ZNF37A: variants seen among roughly 807,000 people sequenced by gnomAD.
ZNF37A encodes the protein zinc finger protein 37a (KOX 21).
A neutral mutation model predicts 12.3 loss-of-function variants in ZNF37A; 10 were observed. That is an observed-to-expected ratio of 0.82 (90% confidence interval 0.50 to 1.38). The LOEUF is 1.38. Ranked by LOEUF, ZNF37A falls within the 40% of genes most tolerant of loss-of-function variation. ZNF37A has a pLI of 0.00. For missense variants in ZNF37A, 580 were observed against 651.2 expected (o/e 0.89, Z 1.19); for synonymous variants, 207 against 223.0 (o/e 0.93, Z 0.64).
At chr10:38,096,544 C>G in intron 4 of ZNF37A, 30 bp from the exon 5 acceptor site, 1 of 1,521,516 alleles carries the variant, frequency 6.6e-7, no homozygotes, top group Non-Finnish European at 9.0e-7. Context: ...AGGCAAGTGA[C>G]ATCACTCATG....
chr10:38,129,660 A>G (rs1023722789), downstream of ZNF37A, among the ~76,000 whole-genome samples: 30 of 152,210 alleles, frequency 2.0e-4, no homozygotes, highest in Admixed American at 5.9e-4. Flanking sequence ...ACATGTTTCT[A>G]TGCATCTCAT....
chr10:38,128,702 C>T (rs1181376085), downstream of ZNF37A, among the ~76,000 whole-genome samples: 3 of 152,160 alleles, frequency 2.0e-5, no homozygotes, highest in African/African-American at 7.2e-5. Context: ...TGCATAAGTG[C>T]CTCTTCCATC....
At chr10:38,144,138 A>G (rs2070223502) in intron 7 of ZNF37A, 1 of 152,228 alleles carries the variant, frequency 6.6e-6, no homozygotes, top group South Asian at 2.1e-4. Flanking sequence ...TCAGCTCTGA[A>G]ATTCTCAAAG....
downstream of ZNF37A, among the ~76,000 whole-genome samples, chr10:38,129,211 A>T (rs1465585232): frequency 6.7e-6 from 1 of 149,656 alleles, no homozygotes; most frequent in African/African-American, 2.5e-5. Context: ...ATTTGGTTAT[A>T]TTTTTTGGCT....
Position 38,096,633 on chromosome 10 carries a change from G to C in ZNF37A, c.15+1G>C. The C allele has an allele frequency of 6.2e-7, 1 of 1,612,408 alleles. No individual in the cohort carries two copies. Among genetic ancestry groups the C allele is most frequent in the Non-Finnish European group, 8.5e-7 (1 of 1,179,348 alleles). The stretch of plus-strand genomic sequence containing the variant: ...CCAGTGGAAGATGATCACATCCCAG[G>C]TAAGTTGTTTATTTTTTCACCGTTT... On this transcript the variant is annotated splice_donor_variant, in intron 5 of 7. Coordinates refer to ENST00000685332, the MANE Select transcript of ZNF37A (RefSeq NM_001324250.3). LOFTEE classifies it high-confidence loss of function.
At chr10:38,133,525 C>T (rs1045508810) in intron 7 of ZNF37A, among the ~76,000 whole-genome samples, 5 of 142,686 alleles carry the variant, frequency 3.5e-5, no homozygotes, top group Admixed American at 1.5e-4. Flanking sequence ...TCCAAGTGTT[C>T]TCATTGTTCA....
At chr10:38,109,919 A>G (rs748139372) in intron 5 of ZNF37A, among the ~76,000 whole-genome samples, 1 of 152,256 alleles carries the variant, frequency 6.6e-6, no homozygotes, top group Non-Finnish European at 1.5e-5. Flanking sequence ...CATATTGCCC[A>G]AAGTAATTTA....
chr10:38,124,752 A>G (rs1299818121), downstream of ZNF37A: 1 of 152,250 alleles, frequency 6.6e-6, no homozygotes, highest in Non-Finnish European at 1.5e-5. Flanking sequence ...AAATAGGGCC[A>G]AAATAGGCAA....
chr10:38,103,940 G>T (rs548475608), intron 5 of ZNF37A, among the ~76,000 whole-genome samples: 1 of 152,284 alleles, frequency 6.6e-6, no homozygotes, highest in Admixed American at 6.5e-5. Flanking sequence ...TTACATCTCT[G>T]CATTAACCTT....
Position 38,118,785 on chromosome 10 carries a change from A to C in ZNF37A, c.1634A>C (p.His545Pro). 6.2e-7 allele frequency: 1 copy of C among 1,606,654 alleles called. No homozygotes were observed. The highest frequency in any genetic ancestry group is 8.5e-7 in the Non-Finnish European group (1 of 1,176,888). The change falls in exon 8 of 8, where the codon CAC (histidine) becomes CCC (proline). Residue 545 changes from histidine to proline, a missense_variant. Coordinates refer to ENST00000685332, the MANE Select transcript of ZNF37A (RefSeq NM_001324250.3). ...AAACTAACTGTACATCAGAGAATAC[A>C]CTTGGGGAGAAACCCTATAAATGTA... Reference protein sequence around the residue: ...KSKLTVHQRIHLGRNPINVVN... With the variant: ...KSKLTVHQRIPLGRNPINVVN...
chr10:38,125,271 C>T (rs917429318), downstream of ZNF37A: 6 of 151,906 alleles, frequency 3.9e-5, no homozygotes, highest in African/African-American at 1.2e-4. Context: ...AATGGAAAGG[C>T]GAGTAATGGA....
chr10:38,105,923 T>A (rs2068032984), intron 5 of ZNF37A, among the ~76,000 whole-genome samples: 2 of 152,360 alleles, frequency 1.3e-5, no homozygotes, highest in Admixed American at 1.3e-4. Context: ...AATAATGTTA[T>A]CTGCAAATAG....
chr10:38,140,441 C>G (rs1303997297), intron 7 of ZNF37A: 2 of 152,050 alleles, frequency 1.3e-5, no homozygotes, highest in Non-Finnish European at 2.9e-5. Flanking sequence ...CTCACTGTTA[C>G]AGAAGGAAGT....
Position 38,115,224 on chromosome 10 carries a change from C to A in ZNF37A, c.172C>A (p.Leu58Ile). The A allele has an allele frequency of 6.2e-7, 1 of 1,613,720 alleles. No homozygotes were observed. The highest frequency in any genetic ancestry group is 1.3e-5 in the African/African-American group (1 of 74,938). ...GYCIPKPEVI[L>I]KLEKGEEPWI... ...TTGCATTCCTAAACCAGAAGTGATTCTCAAGTTGGAGAAAGGCGAGGAGCC... is the reference window on the plus strand; with the variant it reads ...TTGCATTCCTAAACCAGAAGTGATTATCAAGTTGGAGAAAGGCGAGGAGCC... Residue 58 changes from leucine (L) to isoleucine (I), a missense_variant, in exon 7 of 8, where the codon CTC becomes ATC. Physicochemically the swap from Leu to Ile is conservative, Grantham distance 5. Transcript: ENST00000685332.
intron 7 of ZNF37A, among the ~76,000 whole-genome samples, chr10:38,135,351 A>G (rs1227586205): frequency 5.3e-5 from 8 of 152,260 alleles, no homozygotes; most frequent in Admixed American, 1.3e-4. Flanking sequence ...TGCCACTTGC[A>G]CTTCAGCCTG....
intron 5 of ZNF37A, among the ~76,000 whole-genome samples, chr10:38,113,129 A>G (rs1403434768): frequency 6.6e-6 from 1 of 151,568 alleles, no homozygotes; most frequent in Non-Finnish European, 1.5e-5. Context: ...AGTAGTGTTC[A>G]GAGAGTATTT....
chr10:38,114,613 A>G (rs12766043), intron 5 of ZNF37A, 142 bp from the exon 6 acceptor site: 2 of 999,354 alleles, frequency 2.0e-6, no homozygotes, highest in East Asian at 2.5e-5. Flanking sequence ...GTAACATAAA[A>G]CAACATATAT....
At chr10:38,097,583 C>CA (rs71007695) in intron 5 of ZNF37A, among the ~76,000 whole-genome samples, 2,424 of 61,814 alleles carry the variant, frequency 0.039, 383 homozygotes, top group Non-Finnish European at 0.051. Flanking sequence ...GACTCTGTCT[C>CA]AAAAAAAAAA....
chr10:38,102,366 G>T (rs1590810017), intron 5 of ZNF37A, among the ~76,000 whole-genome samples: 1 of 151,678 alleles, frequency 6.6e-6, no homozygotes, highest in South Asian at 2.1e-4. Context: ...ACTTGGAATT[G>T]CAATTAACAT....
Sources: gnomAD v4.1 joint callset for allele counts (sites outside exome capture counted in the v4.1 genomes callset) on GRCh38, gnomAD v4.1.1 for gene constraint, MANE v1.5 for transcripts, NCBI Gene and HGNC (gene_info 2026-07-23, HGNC 2026-07-21) for gene names.